KCNIP4: variants seen among roughly 807,000 people sequenced by gnomAD.
KCNIP4 encodes Kv channel-interacting protein 4.
In KCNIP4, 12 loss-of-function variants were observed where a neutral mutation model predicts 34.0. The ratio of observed to expected loss-of-function variants is 0.35; its 90% CI spans 0.23 to 0.57. KCNIP4 has a LOEUF of 0.57. KCNIP4 is among the 20% of genes least tolerant of loss of function. The pLI is 0.83. For missense variants in KCNIP4, 238 were observed against 311.7 expected (o/e 0.76, Z 1.78); for synonymous variants, 124 against 102.2 (o/e 1.21, Z -1.29).
intron 1 of KCNIP4, among the ~76,000 whole-genome samples, chr4:20,899,660 A>C (rs1449513919): frequency 6.6e-6 from 1 of 152,212 alleles, no homozygotes; most frequent in Non-Finnish European, 1.5e-5. Context: ...AATGCAATAC[A>C]CAAGTTTTTG....
intron 1 of KCNIP4, among the ~76,000 whole-genome samples, chr4:20,892,082 A>AGTAG (rs1032473625): frequency 7.2e-5 from 11 of 152,340 alleles, no homozygotes; most frequent in African/African-American, 2.4e-4. Context: ...TTTTAAGAGA[A>AGTAG]GTAGCAACAG....
chr4:21,626,332 T>C (rs1204719864), intron 1 of KCNIP4, among the ~76,000 whole-genome samples: 1 of 151,874 alleles, frequency 6.6e-6, no homozygotes, highest in African/African-American at 2.4e-5. Context: ...AATGGTCAGG[T>C]TCTCATGATG....
At chr4:21,768,498 G>A (rs1282233211) in intron 1 of KCNIP4, among the ~76,000 whole-genome samples, 1 of 152,066 alleles carries the variant, frequency 6.6e-6, no homozygotes, top group Non-Finnish European at 1.5e-5. Context: ...TCACTCCCAA[G>A]TCTCGCTCCT....
chr4:20,760,770 C>A (rs1300067740), intron 3 of KCNIP4, among the ~76,000 whole-genome samples: 1 of 151,870 alleles, frequency 6.6e-6, no homozygotes, highest in Admixed American at 6.6e-5. Context: ...TATTAGATGA[C>A]CCCTGTGGAA....
chr4:21,942,098 A>G (rs567557177), intron 1 of KCNIP4, among the ~76,000 whole-genome samples: 18 of 152,274 alleles, frequency 1.2e-4, no homozygotes, highest in South Asian at 6.2e-4. Flanking sequence ...TTCCCTCTCA[A>G]TACAGCCTGA....
chr4:20,965,925 G>A (rs1430348051), intron 1 of KCNIP4, among the ~76,000 whole-genome samples: 1 of 152,104 alleles, frequency 6.6e-6, no homozygotes, highest in Non-Finnish European at 1.5e-5. Context: ...TCTTAATGAG[G>A]TACATTTTCA....
intron 3 of KCNIP4, among the ~76,000 whole-genome samples, chr4:20,817,362 C>T (rs1275772053): frequency 6.6e-6 from 1 of 152,172 alleles, no homozygotes; most frequent in African/African-American, 2.4e-5. Context: ...TTTTCAGTTG[C>T]TGGTTGGCCC....
chr4:20,835,443 TTTATTA>T (rs200453357), intron 3 of KCNIP4, among the ~76,000 whole-genome samples: 2 of 151,936 alleles, frequency 1.3e-5, no homozygotes, highest in Non-Finnish European at 2.9e-5. Flanking sequence ...GCCCATTTCT[TTTATTA>T]TTATTATTAT....
chr4:21,845,774 TA>T (rs1395682301), intron 1 of KCNIP4: 9 of 152,098 alleles, frequency 5.9e-5, no homozygotes, highest in African/African-American at 1.7e-4. Context: ...GCTTCCCCAG[TA>T]CAGTGTTTTT....
At chr4:21,203,400 C>T (rs1249214828) in intron 1 of KCNIP4, among the ~76,000 whole-genome samples, 2 of 123,584 alleles carry the variant, frequency 1.6e-5, no homozygotes, top group South Asian at 5.4e-4. Context: ...GAGCCCAAAT[C>T]ATAGTTTTTA....
intron 1 of KCNIP4, among the ~76,000 whole-genome samples, chr4:20,939,541 T>G (rs2149615831): frequency 6.6e-6 from 1 of 152,108 alleles, no homozygotes; most frequent in African/African-American, 2.4e-5. Flanking sequence ...ACCCAGCTAA[T>G]TTTTGTATTT....
At chr4:21,283,920 C>A (rs375120912) in intron 1 of KCNIP4, among the ~76,000 whole-genome samples, 1 of 151,772 alleles carries the variant, frequency 6.6e-6, no homozygotes, top group East Asian at 1.9e-4. Context: ...GCTTTGAAAT[C>A]TGCAATTTAC....
chr4:21,236,735 C>G (rs530015534), intron 1 of KCNIP4, among the ~76,000 whole-genome samples: 1 of 151,762 alleles, frequency 6.6e-6, no homozygotes, highest in African/African-American at 2.4e-5. Context: ...TCAGGCCGGG[C>G]GCGGTGGCTC....
At chr4:21,685,923 C>T (rs1377436298) in intron 1 of KCNIP4, among the ~76,000 whole-genome samples, 2 of 152,190 alleles carry the variant, frequency 1.3e-5, no homozygotes, top group African/African-American at 4.8e-5. Context: ...CAGCACTTGG[C>T]TGTATAGTTT....
chr4:21,604,455 G>A (rs1343463519), intron 1 of KCNIP4, among the ~76,000 whole-genome samples: 1 of 152,082 alleles, frequency 6.6e-6, no homozygotes, highest in African/African-American at 2.4e-5. Context: ...CAGTATAAAA[G>A]ACTTATTAAA....
chr4:21,867,988 C>T (rs547293825), intron 1 of KCNIP4, among the ~76,000 whole-genome samples: 6 of 152,146 alleles, frequency 3.9e-5, no homozygotes, highest in Non-Finnish European at 5.9e-5. Context: ...TCATCCTTCA[C>T]TGTAATAACA....
chr4:21,113,458 A>T (rs1283654030), intron 1 of KCNIP4, among the ~76,000 whole-genome samples: 1 of 80,158 alleles, frequency 1.2e-5, no homozygotes, highest in Non-Finnish European at 2.3e-5. Context: ...ATAAGTTTAA[A>T]AAAAAAAAAA....
intron 1 of KCNIP4, among the ~76,000 whole-genome samples, chr4:21,614,474 C>A (rs1744426076): frequency 6.8e-6 from 1 of 147,028 alleles, no homozygotes; most frequent in African/African-American, 2.5e-5. Flanking sequence ...AAATATTGAG[C>A]TATATATATA....
At chr4:21,843,246 C>T (rs1723796448) in intron 1 of KCNIP4, 1 of 151,940 alleles carries the variant, frequency 6.6e-6, no homozygotes, top group Non-Finnish European at 1.5e-5. Flanking sequence ...TCTCGAACAC[C>T]TTTTATATTA....
Sources: allele counts gnomAD v4.1 joint callset (sites outside exome capture counted in the v4.1 genomes callset), GRCh38; gene constraint gnomAD v4.1.1; transcripts MANE v1.5; gene names NCBI Gene and HGNC (gene_info 2026-07-23, HGNC 2026-07-21).